Variants in ZNF106 observed in about 807,000 individuals in gnomAD.
The protein encoded by ZNF106 is zinc finger protein 106.
In ZNF106, 67 loss-of-function variants were observed where a neutral mutation model predicts 195.1. The ratio of observed to expected loss-of-function variants is 0.34; its 90% CI spans 0.28 to 0.42. The LOEUF (loss-of-function observed/expected upper bound fraction) is 0.42, where lower values mean the gene tolerates loss of function less well. ZNF106 is among the 10% of genes least tolerant of loss of function. ZNF106 has a pLI of 1.00. For missense variants in ZNF106, 2,118 were observed against 2,304.5 expected (o/e 0.92, Z 1.66); for synonymous variants, 784 against 818.6 (o/e 0.96, Z 0.72).
intron 8 of ZNF106, 37 bp from the exon 9 acceptor site, chr15:42,444,299 C>T: frequency 6.5e-7 from 1 of 1,543,746 alleles, no homozygotes; most frequent in Non-Finnish European, 8.9e-7. Context: ...TTTTGAAATC[C>T]AACTTGTAAG....
intron 1 of ZNF106, among the ~76,000 whole-genome samples, chr15:42,480,281 T>G (rs1214778110): frequency 6.6e-6 from 1 of 152,234 alleles, no homozygotes; most frequent in Admixed American, 6.5e-5. Flanking sequence ...TCTCATGAAC[T>G]GACCTTTTAT....
intron 1 of ZNF106, among the ~76,000 whole-genome samples, chr15:42,489,258 A>C (rs1005179070): frequency 1.3e-5 from 2 of 149,742 alleles, no homozygotes; most frequent in African/African-American, 4.9e-5. Context: ...GCTCACTGCA[A>C]CCTCCGCCTC....
At position 42,438,626 on chromosome 15, in the gene ZNF106, G is replaced by A. The variant is rs749272671; in HGVS notation, c.4586C>T (p.Ser1529Leu). ...ACAGCAAATACCTGAAGAATTCTTT[G>A]ATCCTTTTATGGAGGAGATCACAGT... The part of the protein sequence containing the change: ...TQTVISSIKG[S>L]KNSSEISSEP... The change falls in exon 12 of 22, where the codon TCA becomes TTA. Residue 1529 changes from serine (S) to leucine (L), a missense_variant. Physicochemically the swap from Ser to Leu is moderately radical, Grantham distance 145 (BLOSUM62 -2). Coordinates refer to ENST00000564754, the MANE Select transcript of ZNF106 (RefSeq NM_001366845.3). The A allele has an allele frequency of 6.2e-7, 1 of 1,613,516 alleles. No homozygotes were observed. Among genetic ancestry groups the A allele is most frequent in the Admixed American group, 1.7e-5 (1 of 59,986 alleles).
At chr15:42,468,144 C>A (rs2056571878) in intron 2 of ZNF106, among the ~76,000 whole-genome samples, 1 of 142,888 alleles carries the variant, frequency 7.0e-6, no homozygotes, top group South Asian at 2.2e-4. Context: ...GGCTCGATCT[C>A]GGCTCACGAC....
chr15:42,479,420 T>C (rs2056853403), intron 1 of ZNF106, among the ~76,000 whole-genome samples: 1 of 152,208 alleles, frequency 6.6e-6, no homozygotes, highest in Admixed American at 6.5e-5. Context: ...ACACATACTA[T>C]ATTATTTTAA....
At chr15:42,476,894 G>T (rs2056797201) in intron 1 of ZNF106, among the ~76,000 whole-genome samples, 1 of 151,972 alleles carries the variant, frequency 6.6e-6, no homozygotes, top group Non-Finnish European at 1.5e-5. Context: ...TTACTTTAAG[G>T]ATACAGTATA....
At chr15:42,486,546 A>G (rs1057285399) in intron 1 of ZNF106, among the ~76,000 whole-genome samples, 1 of 152,198 alleles carries the variant, frequency 6.6e-6, no homozygotes, top group Non-Finnish European at 1.5e-5. Context: ...GGTATGAGCC[A>G]CCATGCCCAA....
At chr15:42,473,618 A>G (rs1449700914) in intron 1 of ZNF106, among the ~76,000 whole-genome samples, 1 of 152,126 alleles carries the variant, frequency 6.6e-6, no homozygotes, top group Non-Finnish European at 1.5e-5. Flanking sequence ...AACCCTCTAC[A>G]TAATATTGCA....
intron 1 of ZNF106, among the ~76,000 whole-genome samples, chr15:42,481,159 A>T (rs1036696403): frequency 6.6e-6 from 1 of 152,066 alleles, no homozygotes; most frequent in African/African-American, 2.4e-5. Context: ...AAGAAATGAA[A>T]AAGAAAGTTT....
Position 42,417,300 on chromosome 15 carries a change from A to T in ZNF106, c.*4T>A. 1 of 1,614,056 alleles carries T rather than the reference A, an allele frequency of 6.2e-7. No individual in the cohort carries two copies. The highest frequency in any genetic ancestry group is 8.5e-7 in the Non-Finnish European group (1 of 1,179,986). On this transcript the variant is annotated 3_prime_UTR_variant, in exon 22 of 22. Coordinates refer to ENST00000564754, the MANE Select transcript of ZNF106 (RefSeq NM_001366845.3). ...TGACTTCCCAACGTGGGAGGCAAAA[A>T]ACTTCATGAATCAATTTTGCTGTCA...
chr15:42,420,665 A>G (rs1376732489), intron 20 of ZNF106, among the ~76,000 whole-genome samples: 2 of 152,200 alleles, frequency 1.3e-5, no homozygotes, highest in Non-Finnish European at 2.9e-5. Flanking sequence ...CCAAAATAAA[A>G]ACCACACAAT....
chr15:42,441,998 G>C lies in ZNF106; in HGVS notation c.3763+75C>G, dbSNP rs545275894. 113 of 1,202,236 alleles carry C rather than the reference G, an allele frequency of 9.4e-5. No individual in the cohort carries two copies. The African/African-American group carries it at 1.6e-3, about 17-fold the overall frequency. 74.5% of individuals were successfully genotyped at this position (1,202,236 alleles called of 1,614,324 possible). On this transcript the variant is annotated intron_variant, in intron 10 of 21. Coordinates refer to ENST00000564754, the MANE Select transcript of ZNF106 (RefSeq NM_001366845.3). ...CATTTTAGTTTTAATGAGCAAGTAT[G>C]GCTTATATCACTCATATAAAAATGC...
Position 42,451,342 on chromosome 15 carries a change from T to G in ZNF106, c.930A>C (p.Lys310Asn), listed in dbSNP as rs753964461. The G allele has an allele frequency of 6.2e-7, 1 of 1,613,844 alleles. No homozygotes were observed. The highest frequency in any genetic ancestry group is 1.7e-5 in the Admixed American group (1 of 59,988). ...CTCTATATGTGGCAACTGTACCAAG[T>G]TTGTCATTTTCTTGCCGCTGCCAAT... ...RYNWQRQEND[K>N]LGTVATYRGP... The change falls in exon 5 of 22, where the codon AAA becomes AAC. Residue 310 changes from lysine to asparagine, a missense_variant. Lys to Asn is a moderately conservative substitution (Grantham distance 94). Coordinates refer to ENST00000564754, the MANE Select transcript of ZNF106 (RefSeq NM_001366845.3).
chr15:42,486,745 A>C (rs2057023608), intron 1 of ZNF106, among the ~76,000 whole-genome samples: 1 of 152,208 alleles, frequency 6.6e-6, no homozygotes, highest in Non-Finnish European at 1.5e-5. Context: ...TTTTGCTTAG[A>C]GTCACAGTTT....
intron 3 of ZNF106, among the ~76,000 whole-genome samples, chr15:42,463,781 AGAGT>A (rs1192445665): frequency 2.0e-5 from 3 of 152,122 alleles, no homozygotes; most frequent in African/African-American, 7.2e-5. Context: ...GCCTGGTGAC[AGAGT>A]GAGTGAGACC....
At chr15:42,471,171 T>C (rs1431620381) in intron 2 of ZNF106, among the ~76,000 whole-genome samples, 1 of 152,212 alleles carries the variant, frequency 6.6e-6, no homozygotes, top group Non-Finnish European at 1.5e-5. Context: ...GTTGTTCTCC[T>C]ACCCAAAATA....
chr15:42,445,591 T>G (rs2055743530), intron 7 of ZNF106, among the ~76,000 whole-genome samples: 1 of 152,238 alleles, frequency 6.6e-6, no homozygotes, highest in South Asian at 2.1e-4. Flanking sequence ...ATCCAACTAC[T>G]GACTATGATA....
chr15:42,489,201 T>C (rs1190848242), intron 1 of ZNF106, among the ~76,000 whole-genome samples: 7 of 151,426 alleles, frequency 4.6e-5, no homozygotes, highest in African/African-American at 1.7e-4. Flanking sequence ...TTAATTTTTT[T>C]TTTTTGAGAT....
intron 7 of ZNF106, among the ~76,000 whole-genome samples, chr15:42,445,337 A>G (rs1177281373): frequency 6.6e-6 from 1 of 152,146 alleles, no homozygotes; most frequent in Non-Finnish European, 1.5e-5. Flanking sequence ...TTCACACAGG[A>G]CTTTTGCTTA....
Sources: gnomAD v4.1 joint callset for allele counts (sites outside exome capture counted in the v4.1 genomes callset) on GRCh38, gnomAD v4.1.1 for gene constraint, MANE v1.5 for transcripts, NCBI Gene and HGNC (gene_info 2026-07-23, HGNC 2026-07-21) for gene names.